The following RPS6KC1 variants were observed in gnomAD, a reference collection of about 807,000 sequenced individuals.
RPS6KC1 encodes the protein inactive ribosomal protein S6 kinase delta-1.
RPS6KC1 carries 54 observed loss-of-function variants against 103.8 expected under a neutral mutation model. The observed-to-expected ratio is 0.52, with a 90% CI of 0.42 to 0.65. The LOEUF (loss-of-function observed/expected upper bound fraction) is 0.65, where lower values mean the gene tolerates loss of function less well. RPS6KC1 is among the 30% of genes least tolerant of loss of function. The probability of loss-of-function intolerance (pLI) is 0.00; values close to 1 mark genes in which losing one functional copy is unlikely to be tolerated. For missense variants in RPS6KC1, 1,151 were observed against 1,253.8 expected, an observed-to-expected ratio of 0.92 and a Z score of 1.24; for synonymous variants, 439 against 438.7, an observed-to-expected ratio of 1.00 and a Z score of -0.01.
chr1:213,392,499 A>G, the RPS6KC1 span, among the ~76,000 whole-genome samples: 2 of 152,212 alleles, frequency 1.3e-5, no homozygotes, highest in Admixed American at 1.3e-4. Flanking sequence ...AGGAAAAGGA[A>G]CAGAGTAATC....
intron 14 of RPS6KC1, among the ~76,000 whole-genome samples, chr1:213,264,861 C>G (rs886134759): frequency 1.3e-5 from 2 of 152,050 alleles, no homozygotes; most frequent in Non-Finnish European, 2.9e-5. Context: ...TTGCTTTGTT[C>G]TTAGATCTCA....
chr1:213,241,407 G>T lies in RPS6KC1; in HGVS notation c.1931G>T (p.Ser644Ile). ...CCAGATGGAGACAGTGCTTCTAGGA[G>T]TTTTAATACTAGTGAAAGCAAGGTA... ...TLPDGDSASR[S>I]FNTSESKVEF... The change falls in exon 11 of 15, where the codon AGT (serine) becomes ATT (isoleucine). Residue 644 changes from serine (S) to isoleucine (I), a missense_variant. By Grantham distance (142) the Ser-to-Ile change is moderately radical. Around this residue, in one of 3 missense-constraint regions of RPS6KC1, gnomAD observed 959 missense variants for 1,006.3 expected, o/e 0.95. Transcript: ENST00000366960. 3.1e-6 allele frequency: 5 copies of T among 1,613,954 alleles called. No homozygotes were observed. The highest frequency in any genetic ancestry group is 4.2e-6 in the Non-Finnish European group (5 of 1,179,942).
intron 1 of RPS6KC1, among the ~76,000 whole-genome samples, chr1:213,055,061 A>G (rs1290751450): frequency 1.3e-5 from 2 of 152,254 alleles, no homozygotes. Flanking sequence ...GTGCTGTATT[A>G]TAACTTATTT....
At chr1:213,808,161 C>T in the RPS6KC1 span, among the ~76,000 whole-genome samples, 1 of 150,318 alleles carries the variant, frequency 6.7e-6, no homozygotes, top group African/African-American at 2.5e-5. Context: ...GAGTACCCGG[C>T]TGTGTGAGGT....
chr1:213,446,030 C>T, the RPS6KC1 span, among the ~76,000 whole-genome samples: 5 of 152,296 alleles, frequency 3.3e-5, no homozygotes, highest in South Asian at 6.2e-4. Context: ...CTTCCAAACC[C>T]GAGCTTTATC....
At chr1:213,058,800 T>A (rs577019385) in intron 1 of RPS6KC1, among the ~76,000 whole-genome samples, 1 of 152,310 alleles carries the variant, frequency 6.6e-6, no homozygotes, top group African/African-American at 2.4e-5. Flanking sequence ...AAAATCCTTT[T>A]GGGATTTGAT....
the RPS6KC1 span, among the ~76,000 whole-genome samples, chr1:213,860,880 C>T: frequency 1.3e-5 from 2 of 151,912 alleles, no homozygotes; most frequent in Admixed American, 1.3e-4. Context: ...TCGATCTTCG[C>T]TCACTGCAAC....
At chr1:213,805,294 G>A in the RPS6KC1 span, among the ~76,000 whole-genome samples, 25 of 152,176 alleles carry the variant, frequency 1.6e-4, no homozygotes, top group Admixed American at 7.2e-4. Flanking sequence ...TCTGTAGCAT[G>A]CAATACTGTT....
intron 6 of RPS6KC1, among the ~76,000 whole-genome samples, chr1:213,132,121 G>A (rs537346150): frequency 1.1e-4 from 16 of 152,326 alleles, no homozygotes; most frequent in African/African-American, 3.4e-4. Context: ...TTACTTTGCT[G>A]ATTATGGTGG....
intron 8 of RPS6KC1, among the ~76,000 whole-genome samples, chr1:213,225,364 A>C (rs185133203): frequency 6.6e-6 from 1 of 151,704 alleles, no homozygotes; most frequent in African/African-American, 2.4e-5. Context: ...ACAAAGCAGC[A>C]TTTCCCAGCC....
the RPS6KC1 span, among the ~76,000 whole-genome samples, chr1:213,643,846 C>T: frequency 6.6e-6 from 1 of 151,852 alleles, no homozygotes; most frequent in Non-Finnish European, 1.5e-5. Flanking sequence ...TAAAATATCA[C>T]AAATAGATAT....
chr1:213,519,524 A>T, the RPS6KC1 span, among the ~76,000 whole-genome samples: 2 of 152,162 alleles, frequency 1.3e-5, no homozygotes, highest in Non-Finnish European at 1.5e-5. Context: ...AGTGTGTCTG[A>T]CTTATATTTT....
chr1:213,791,511 C>A, the RPS6KC1 span, among the ~76,000 whole-genome samples: 1 of 152,046 alleles, frequency 6.6e-6, no homozygotes, highest in Non-Finnish European at 1.5e-5. Flanking sequence ...GGAGAAATTT[C>A]TTCTATTCTC....
chr1:213,330,714 A>C, the RPS6KC1 span, among the ~76,000 whole-genome samples: 1 of 152,200 alleles, frequency 6.6e-6, no homozygotes, highest in South Asian at 2.1e-4. Context: ...CTGAGAAGGA[A>C]ATTTCCACAA....
In RPS6KC1 at chr1:213,240,752, GA is replaced by G; in HGVS notation, c.1279del (p.Ser427AlafsTer7). On this transcript the variant is annotated frameshift_variant, in exon 11 of 15. Coordinates refer to ENST00000366960, the MANE Select transcript of RPS6KC1 (RefSeq NM_012424.6). LOFTEE classifies it high-confidence loss of function. ...TAAATTTCTAAACAGAAGTCCTGAA[GA>G]AAGCTTTGACATCAAGGAAGTGAAA... ...ISKFLNRSPEESFDIKEVKKP... is the reference protein window; with the variant it reads ...ISKFLNRSPEXSFDIKEVKKP... 1 of 1,613,638 alleles carries G rather than the reference GA, an allele frequency of 6.2e-7. No individual in the cohort carries two copies. The highest frequency in any genetic ancestry group is 8.5e-7 in the Non-Finnish European group (1 of 1,179,752).
the RPS6KC1 span, among the ~76,000 whole-genome samples, chr1:213,443,345 G>A: frequency 3.9e-5 from 6 of 152,140 alleles, no homozygotes; most frequent in Non-Finnish European, 7.3e-5. Context: ...ATTTGTTATA[G>A]TCCATATACA....
Position 213,129,917 on chromosome 1 carries a change from G to T in RPS6KC1, c.835+28G>T, listed in dbSNP as rs187431239. 9.7e-6 allele frequency: 15 copies of T among 1,546,602 alleles called. No individual in the cohort carries two copies. The East Asian group carries it at 3.1e-4, about 32-fold the overall frequency. ...ATGGTTTTATGTATATTATGTTTTG[G>T]CATGCTCTTTTGTTGGTATGTGGGA... On this transcript the variant is annotated intron_variant, in intron 6 of 14. Coordinates refer to ENST00000366960, the MANE Select transcript of RPS6KC1 (RefSeq NM_012424.6).
the RPS6KC1 span, among the ~76,000 whole-genome samples, chr1:213,463,721 G>T: frequency 1.3e-5 from 2 of 152,078 alleles, no homozygotes; most frequent in African/African-American, 4.8e-5. Flanking sequence ...AGTTTTTGGG[G>T]CTCGTTTTCA....
At chr1:213,512,880 A>G in the RPS6KC1 span, among the ~76,000 whole-genome samples, 1 of 152,178 alleles carries the variant, frequency 6.6e-6, no homozygotes, top group Non-Finnish European at 1.5e-5. Flanking sequence ...GATGTGCCCA[A>G]ACCTGGAGGG....
Sources: allele counts gnomAD v4.1 joint callset (sites outside exome capture counted in the v4.1 genomes callset), GRCh38; gene constraint gnomAD v4.1.1; regional missense constraint gnomAD v4.1.1; transcripts MANE v1.5; gene names NCBI Gene and HGNC (gene_info 2026-07-23, HGNC 2026-07-21).